Variants in MICU2 observed in about 807,000 individuals in gnomAD.
The protein encoded by MICU2 is mitochondrial calcium uptake 2.
MICU2 carries 64 observed loss-of-function variants against 60.4 expected under a neutral mutation model. That is an observed-to-expected ratio of 1.06 (90% CI 0.87 to 1.31). The LOEUF (loss-of-function observed/expected upper bound fraction) is 1.31. Among genes scored for constraint, MICU2 ranks in the 50% most tolerant of loss-of-function variants. MICU2 has a pLI of 0.00. For missense variants in MICU2, 569 were observed against 531.0 expected (o/e 1.07, Z -0.70); for synonymous variants, 201 against 175.0 (o/e 1.15, Z -1.17).
intron 7 of MICU2, among the ~76,000 whole-genome samples, chr13:21,511,970 TG>T (rs537981918): frequency 1.9e-3 from 284 of 152,336 alleles, no homozygotes; most frequent in Non-Finnish European, 2.8e-3. Context: ...GTTTCCCGTT[TG>T]GGCTGGATGC....
chr13:21,530,723 G>T, intron 4 of MICU2: 2 of 471,772 alleles, frequency 4.2e-6, no homozygotes, highest in South Asian at 5.4e-5. Flanking sequence ...TGCACAAGGT[G>T]GCGAGCCCAG....
chr13:21,508,436 T>A (rs895795331), intron 8 of MICU2, among the ~76,000 whole-genome samples: 1 of 152,214 alleles, frequency 6.6e-6, no homozygotes, highest in African/African-American at 2.4e-5. Context: ...AGGCTCTTAT[T>A]TCTTTTCTGG....
chr13:21,571,048 C>T (rs1380563325), intron 1 of MICU2, among the ~76,000 whole-genome samples: 5 of 152,248 alleles, frequency 3.3e-5, no homozygotes, highest in Middle Eastern at 3.4e-3. Context: ...GTAACGTGTG[C>T]GTGCTCTCTC....
intron 9 of MICU2, chr13:21,496,367 G>A (rs1885997621): frequency 1.0e-5 from 5 of 477,908 alleles, no homozygotes; most frequent in Non-Finnish European, 1.8e-5. Flanking sequence ...TGCAGGCTGG[G>A]CAAGAGGCCT....
intron 2 of MICU2, among the ~76,000 whole-genome samples, chr13:21,547,802 G>A (rs140708269): frequency 1.1e-4 from 17 of 151,354 alleles, no homozygotes; most frequent in African/African-American, 3.6e-4. Flanking sequence ...TGGGGGTGGG[G>A]GTAGAGCATC....
intron 1 of MICU2, among the ~76,000 whole-genome samples, chr13:21,585,221 G>A (rs1328850020): frequency 6.6e-6 from 1 of 152,080 alleles, no homozygotes; most frequent in Non-Finnish European, 1.5e-5. Context: ...TTTGATTTTT[G>A]ACTTCCATTT....
chr13:21,561,730 A>T (rs185415553), intron 2 of MICU2, among the ~76,000 whole-genome samples: 1,500 of 127,946 alleles, frequency 0.012, 17 homozygotes, highest in Middle Eastern at 0.029. Context: ...TATTATTATT[A>T]TACTTTTAAG....
At chr13:21,523,006 T>TGTGG (rs900662010) in intron 4 of MICU2, among the ~76,000 whole-genome samples, 54 of 152,186 alleles carry the variant, frequency 3.5e-4, no homozygotes, top group African/African-American at 1.3e-3. Flanking sequence ...TTCTCCGCAG[T>TGTGG]GTGGGTGGGC....
intron 2 of MICU2, among the ~76,000 whole-genome samples, chr13:21,542,529 A>ATATG (rs932260599): frequency 3.9e-5 from 6 of 152,268 alleles, no homozygotes; most frequent in Admixed American, 2.0e-4. Context: ...CAGCTATTTG[A>ATATG]TATGTATTCA....
chr13:21,497,068 T>C (rs558367542), intron 9 of MICU2, among the ~76,000 whole-genome samples: 1 of 135,168 alleles, frequency 7.4e-6, no homozygotes, highest in Admixed American at 7.4e-5. Flanking sequence ...TCTCAAAAAA[T>C]ACATAACAAA....
chr13:21,589,877 G>A (rs1258054886), intron 1 of MICU2, among the ~76,000 whole-genome samples: 1 of 132,614 alleles, frequency 7.5e-6, no homozygotes. Flanking sequence ...CAAGGGTCAC[G>A]TGCGTCAGGG....
intron 2 of MICU2, among the ~76,000 whole-genome samples, chr13:21,544,814 G>A (rs1383584994): frequency 6.6e-6 from 1 of 152,030 alleles, no homozygotes; most frequent in African/African-American, 2.4e-5. Context: ...ACCAGGCCTG[G>A]CTAATTTTTT....
intron 4 of MICU2, among the ~76,000 whole-genome samples, chr13:21,532,753 G>C (rs555558527): frequency 7.9e-5 from 12 of 152,270 alleles, no homozygotes; most frequent in African/African-American, 2.6e-4. Flanking sequence ...TGTCCTCATT[G>C]AATTGGTAAC....
chr13:21,569,482 T>C (rs1888057508), intron 1 of MICU2, among the ~76,000 whole-genome samples: 1 of 152,062 alleles, frequency 6.6e-6, no homozygotes, highest in South Asian at 2.1e-4. Flanking sequence ...TTAGGAAATA[T>C]GCAGAGGAAG....
intron 2 of MICU2, among the ~76,000 whole-genome samples, chr13:21,546,241 C>A (rs1346290544): frequency 1.3e-5 from 2 of 150,852 alleles, no homozygotes; most frequent in African/African-American, 4.9e-5. Context: ...GGCTTCCTTG[C>A]CAATTTCCAA....
At position 21,568,083 on chromosome 13, in the gene MICU2, C is replaced by T. The variant is rs542794543; in HGVS notation, c.211-1139G>A. On this transcript the variant is annotated intron_variant, in intron 1 of 11. Coordinates refer to ENST00000382374, the MANE Select transcript of MICU2 (RefSeq NM_152726.3). Reference sequence around the variant, plus strand: ...CTCTAACCTGGACCACAGTATCCTTCCTGGACATATCACCTTCTTTTCACA... The same window carrying T: ...CTCTAACCTGGACCACAGTATCCTTTCTGGACATATCACCTTCTTTTCACA... Among the ~76,000 whole-genome samples, 16 of 152,318 alleles carry T rather than the reference C, an allele frequency of 1.1e-4. No homozygotes were observed. In the South Asian group the frequency reaches 1.4e-3, roughly 14 times the overall value.
At chr13:21,572,943 C>CA (rs5802121) in intron 1 of MICU2, among the ~76,000 whole-genome samples, 61,853 of 143,204 alleles carry the variant, frequency 0.43, 13,429 homozygotes, top group East Asian at 0.66. Context: ...GTAAATAATA[C>CA]AAAAAAAAAA....
rs934553898 is a variant in MICU2 at position 21,521,137 on chromosome 13, T to C, written c.597+108A>G. 5.7e-6 allele frequency: 5 copies of C among 884,724 alleles called. No individual in the cohort carries two copies. The African/African-American group carries it at 8.6e-5, about 15-fold the overall frequency. The allele number at this position is 884,724 out of a possible 1,614,324, so 54.8% of individuals were successfully genotyped here. ...GAATGTCCAAATAATTTCCTGATAG[T>C]TCATATGTAAACAATGAATACAATT... is the stretch of plus-strand genomic sequence containing the variant. On this transcript the variant is annotated intron_variant, in intron 6 of 11. Transcript: ENST00000382374.
intron 1 of MICU2, among the ~76,000 whole-genome samples, chr13:21,570,540 C>A (rs945525779): frequency 6.6e-6 from 1 of 152,092 alleles, no homozygotes; most frequent in Non-Finnish European, 1.5e-5. Flanking sequence ...AAAAAAGGTG[C>A]CTTATTATAT....
Sources: allele counts gnomAD v4.1 joint callset (sites outside exome capture counted in the v4.1 genomes callset), GRCh38; gene constraint gnomAD v4.1.1; transcripts MANE v1.5; gene names NCBI Gene and HGNC (gene_info 2026-07-23, HGNC 2026-07-21).